Variants in CCDC171 observed in about 807,000 individuals in gnomAD.
CCDC171 encodes the protein coiled-coil domain containing 171.
In CCDC171, 177 loss-of-function variants were observed where a neutral mutation model predicts 168.2. That is an observed-to-expected ratio of 1.05 (90% CI 0.93 to 1.19). The LOEUF (loss-of-function observed/expected upper bound fraction) is 1.19, where lower values mean the gene tolerates loss of function less well. CCDC171 is among the 50% of genes most tolerant of loss of function. The pLI, the probability that CCDC171 is intolerant of heterozygous loss-of-function variation, is 0.00. For synonymous variants in CCDC171, 687 were observed against 540.8 expected, an observed-to-expected ratio of 1.27 and a Z score of -3.75; for missense variants, 1,991 against 1,539.0, an observed-to-expected ratio of 1.29 and a Z score of -4.91.
intron 11 of CCDC171, among the ~76,000 whole-genome samples, chr9:15,704,860 C>A (rs186977982): frequency 6.6e-6 from 1 of 152,184 alleles, no homozygotes; most frequent in East Asian, 1.9e-4. Flanking sequence ...TTCCTAATGC[C>A]TCTAACCCTG....
intron 16 of CCDC171, among the ~76,000 whole-genome samples, chr9:15,739,675 C>G (rs1392140824): frequency 6.6e-6 from 1 of 151,868 alleles, no homozygotes; most frequent in African/African-American, 2.4e-5. Context: ...ACAGTATCCA[C>G]TGAGATTTGG....
At chr9:15,786,457 T>G (rs2057959637) in intron 21 of CCDC171, among the ~76,000 whole-genome samples, 1 of 152,172 alleles carries the variant, frequency 6.6e-6, no homozygotes, top group African/African-American at 2.4e-5. Context: ...ACTTTATGTT[T>G]TAAAAATATA....
chr9:15,573,573 T>C (rs897285840), intron 3 of CCDC171, among the ~76,000 whole-genome samples: 19 of 151,650 alleles, frequency 1.3e-4, no homozygotes, highest in African/African-American at 3.9e-4. Flanking sequence ...TGAGCCACTG[T>C]GCCCCGCCCA....
At chr9:15,629,812 G>C (rs935977336) in intron 7 of CCDC171, among the ~76,000 whole-genome samples, 7 of 152,318 alleles carry the variant, frequency 4.6e-5, no homozygotes, top group East Asian at 3.9e-4. Flanking sequence ...AAGCCCATCA[G>C]ACTAACAGTG....
chr9:15,816,241 T>C (rs1272033186), intron 21 of CCDC171, among the ~76,000 whole-genome samples: 1 of 118,238 alleles, frequency 8.5e-6, no homozygotes, highest in East Asian at 2.1e-4. Context: ...GATCATATTT[T>C]AAAATTAAAA....
rs144820321 is a variant in CCDC171 at position 15,884,877 on chromosome 9, C to G, written c.3600+10214C>G. ...AGGCCTAAGGTCAGGAACGGTGACC[C>G]AACTATATTGAGAAAGGTTTTAGTG... On this transcript the variant is annotated intron_variant, in intron 24 of 25. Transcript: ENST00000380701. Among the ~76,000 whole-genome samples the G allele has an allele frequency of 3.9e-5, 6 of 152,208 alleles. No individual in the cohort carries two copies. In the East Asian group the frequency reaches 9.6e-4, roughly 24 times the overall value.
At chr9:16,101,990 G>A in the CCDC171 span, among the ~76,000 whole-genome samples, 4 of 152,326 alleles carry the variant, frequency 2.6e-5, no homozygotes, top group African/African-American at 9.6e-5. Context: ...AAAAATACAC[G>A]TTGTTTTAAG....
intron 21 of CCDC171, among the ~76,000 whole-genome samples, chr9:15,844,881 G>T (rs1432452866): frequency 6.6e-6 from 1 of 152,066 alleles, no homozygotes; most frequent in African/African-American, 2.4e-5. Flanking sequence ...GGATCAGGAA[G>T]CTTCAGTCTG....
Position 15,575,251 on chromosome 9 carries a change from G to A in CCDC171, c.177+3492G>A, listed in dbSNP as rs538159648. Among the ~76,000 whole-genome samples the A allele has an allele frequency of 2.7e-5, 4 of 148,416 alleles. No homozygotes were observed. The Admixed American group carries it at 2.8e-4, about 10-fold the overall frequency. ...TGTGATCTTGGCTCACTGCAGCCTG[G>A]TCTCGAACTCCTGGACTCAAGTGAT... On this transcript the variant is annotated intron_variant, in intron 3 of 25. Coordinates refer to ENST00000380701, the MANE Select transcript of CCDC171 (RefSeq NM_173550.4).
chr9:15,778,154 C>G (rs375014697), intron 19 of CCDC171, among the ~76,000 whole-genome samples: 2,643 of 148,736 alleles, frequency 0.018, 97 homozygotes, highest in African/African-American at 0.062. Context: ...AAAATTAGCC[C>G]GGCGCGGTGG....
At chr9:15,642,571 G>T (rs1415284470) in intron 7 of CCDC171, among the ~76,000 whole-genome samples, 1 of 151,416 alleles carries the variant, frequency 6.6e-6, no homozygotes, top group Non-Finnish European at 1.5e-5. Flanking sequence ...TAATTCATTG[G>T]ACTAGAAGAT....
chr9:15,629,865 C>T (rs1315242396), intron 7 of CCDC171, among the ~76,000 whole-genome samples: 3 of 152,078 alleles, frequency 2.0e-5, no homozygotes, highest in Non-Finnish European at 4.4e-5. Context: ...AGAGTGGGGG[C>T]CAATATTCAA....
intron 6 of CCDC171, among the ~76,000 whole-genome samples, chr9:15,619,031 A>G (rs1453081198): frequency 6.6e-6 from 1 of 152,112 alleles, no homozygotes; most frequent in Non-Finnish European, 1.5e-5. Flanking sequence ...ACCATGAACC[A>G]TGCCTGCATA....
At chr9:15,900,309 G>A (rs76821013) in intron 24 of CCDC171, among the ~76,000 whole-genome samples, 1,691 of 152,286 alleles carry the variant, frequency 0.011, 32 homozygotes, top group African/African-American at 0.038. Context: ...GAAAGAGGGC[G>A]GTGGGGGCAT....
intron 9 of CCDC171, among the ~76,000 whole-genome samples, chr9:15,669,263 A>T (rs1007434358): frequency 2.0e-5 from 3 of 152,188 alleles, no homozygotes; most frequent in Non-Finnish European, 4.4e-5. Flanking sequence ...ATTTTTTTCC[A>T]TCTAAAACTT....
At chr9:15,610,636 A>AG (rs2043613655) in intron 6 of CCDC171, among the ~76,000 whole-genome samples, 1 of 151,246 alleles carries the variant, frequency 6.6e-6, no homozygotes, top group African/African-American at 2.4e-5. Flanking sequence ...CTAAAAAAAA[A>AG]AACAAAAACC....
intron 21 of CCDC171, among the ~76,000 whole-genome samples, chr9:15,800,670 C>G (rs190571510): frequency 2.4e-3 from 367 of 151,976 alleles, no homozygotes; most frequent in South Asian, 5.2e-3. Flanking sequence ...TGCGATATTT[C>G]TTAAGAATTT....
downstream of CCDC171, among the ~76,000 whole-genome samples, chr9:16,064,079 G>A (rs903120453): frequency 1.3e-5 from 2 of 152,158 alleles, no homozygotes; most frequent in African/African-American, 4.8e-5. Flanking sequence ...CTCATGACTC[G>A]ATGAGCAATT....
At chr9:15,848,437 T>C (rs1588834824) in intron 22 of CCDC171, among the ~76,000 whole-genome samples, 1 of 152,038 alleles carries the variant, frequency 6.6e-6, no homozygotes, top group Non-Finnish European at 1.5e-5. Context: ...AAAAAGAATG[T>C]GTGGAAAGGA....
Sources: allele counts gnomAD v4.1 joint callset (sites outside exome capture counted in the v4.1 genomes callset), GRCh38; gene constraint gnomAD v4.1.1; transcripts MANE v1.5; gene names NCBI Gene and HGNC (gene_info 2026-07-23, HGNC 2026-07-21).